PLPP4: variants seen among roughly 807,000 people sequenced by gnomAD.
PLPP4 encodes diacylglycerol pyrophosphate like 2.
PLPP4 carries 20 observed loss-of-function variants against 32.2 expected under a neutral mutation model. That is an observed-to-expected ratio of 0.62 (90% confidence interval 0.44 to 0.90). The LOEUF is 0.90. Ranked by LOEUF, PLPP4 falls within the 40% of genes least tolerant of loss-of-function variation. The probability of loss-of-function intolerance (pLI) is 0.00; values close to 1 mark genes in which losing one functional copy is unlikely to be tolerated. For synonymous variants in PLPP4, 127 were observed against 133.0 expected, an observed-to-expected ratio of 0.95 and a Z score of 0.31; for missense variants, 257 against 353.1, an observed-to-expected ratio of 0.73 and a Z score of 2.18.
At chr10:120,555,659 C>T (rs181282330) in intron 5 of PLPP4, among the ~76,000 whole-genome samples, 11 of 152,270 alleles carry the variant, frequency 7.2e-5, no homozygotes, top group African/African-American at 2.4e-4. Flanking sequence ...GTCTGCCTGG[C>T]GTAGTGCCTG....
intron 6 of PLPP4, among the ~76,000 whole-genome samples, chr10:120,580,401 G>A (rs554024141): frequency 1.3e-5 from 2 of 152,240 alleles, no homozygotes; most frequent in South Asian, 4.2e-4. Context: ...ATTTAGCATG[G>A]AAATTAGATG....
At chr10:120,501,614 A>G (rs1390290094) in intron 1 of PLPP4, among the ~76,000 whole-genome samples, 3 of 152,190 alleles carry the variant, frequency 2.0e-5, no homozygotes, top group Non-Finnish European at 4.4e-5. Context: ...CTGACTCTAG[A>G]GCCTGTCCTG....
intron 2 of PLPP4, among the ~76,000 whole-genome samples, chr10:120,508,422 C>T (rs918577229): frequency 1.3e-5 from 2 of 152,162 alleles, no homozygotes; most frequent in Admixed American, 1.3e-4. Flanking sequence ...TTTGTTTTGT[C>T]TGTTGTGAAT....
At chr10:120,486,535 A>G (rs977450699) in intron 1 of PLPP4, among the ~76,000 whole-genome samples, 1 of 152,240 alleles carries the variant, frequency 6.6e-6, no homozygotes, top group Non-Finnish European at 1.5e-5. Flanking sequence ...TTGAAAAGAC[A>G]TGGAATACAT....
At chr10:120,586,926 C>T (rs1849789694) in intron 6 of PLPP4, among the ~76,000 whole-genome samples, 1 of 151,922 alleles carries the variant, frequency 6.6e-6, no homozygotes, top group Non-Finnish European at 1.5e-5. Flanking sequence ...ATAGAAATGA[C>T]ATTGAGCTCA....
At chr10:120,521,443 C>T (rs2133910469) in intron 5 of PLPP4, among the ~76,000 whole-genome samples, 1 of 152,298 alleles carries the variant, frequency 6.6e-6, no homozygotes, top group Admixed American at 6.5e-5. Context: ...TTTATTTCTT[C>T]AATTCAGGTG....
intron 5 of PLPP4, 93 bp from the exon 6 acceptor site, chr10:120,575,038 G>A (rs956100729): frequency 7.4e-7 from 1 of 1,354,250 alleles, no homozygotes; most frequent in Non-Finnish European, 1.0e-6. Flanking sequence ...TGGCCTTGGG[G>A]GTGTGCAAGA....
Position 120,579,463 on chromosome 10 carries a change from G to C in PLPP4, c.616+4162G>C, listed in dbSNP as rs114971033. On this transcript the variant is annotated intron_variant, in intron 6 of 6. Coordinates refer to ENST00000398250, the MANE Select transcript of PLPP4 (RefSeq NM_001030059.3). ...GCTTTCCCAGACTGGGCTGTGAAGG[G>C]TCTGTGATTTGAAATGAACTAAATA... is the stretch of plus-strand genomic sequence containing the variant. Among the ~76,000 whole-genome samples, 49 of 152,272 alleles carry C rather than the reference G, an allele frequency of 3.2e-4. 1 individual carries two copies. The highest frequency in any genetic ancestry group is 1.2e-3 in the African/African-American group (48 of 41,574).
At chr10:120,508,880 T>C (rs1025054277) in intron 2 of PLPP4, among the ~76,000 whole-genome samples, 3 of 152,200 alleles carry the variant, frequency 2.0e-5, no homozygotes, top group African/African-American at 7.2e-5. Flanking sequence ...TGATACCCTT[T>C]TAACAGTCTT....
At chr10:120,544,871 A>G (rs1307436589) in intron 5 of PLPP4, among the ~76,000 whole-genome samples, 1 of 152,242 alleles carries the variant, frequency 6.6e-6, no homozygotes, top group Admixed American at 6.5e-5. Context: ...CAGAGTGTCA[A>G]CCAGGGAATA....
At chr10:120,488,211 C>G (rs75779253) in intron 1 of PLPP4, among the ~76,000 whole-genome samples, 5 of 152,090 alleles carry the variant, frequency 3.3e-5, no homozygotes, top group African/African-American at 4.8e-5. Context: ...TGCCAGCCCC[C>G]CTTGAGTGGT....
chr10:120,519,845 T>C (rs554759434), intron 4 of PLPP4, among the ~76,000 whole-genome samples: 1 of 152,244 alleles, frequency 6.6e-6, no homozygotes, highest in Admixed American at 6.5e-5. Context: ...CGAATATTAG[T>C]TGAGTATGAA....
In PLPP4 at chr10:120,571,831, C is replaced by T. The variant is rs572766279; in HGVS notation, c.446-3300C>T. 3.9e-5 allele frequency among the ~76,000 whole-genome samples: 6 copies of T among 152,218 alleles called. No homozygotes were observed. The South Asian group carries it at 1.2e-3, about 32-fold the overall frequency. On this transcript the variant is annotated intron_variant, in intron 5 of 6. Coordinates refer to ENST00000398250, the MANE Select transcript of PLPP4 (RefSeq NM_001030059.3). ...AAGGCTTCCCATAGCTCAGACATGC[C>T]CTTGGGCCAGAGGGAATGGCCTCAA... is the stretch of plus-strand genomic sequence containing the variant.
rs539136235 is a variant in PLPP4 at position 120,574,953 on chromosome 10, G to C, written c.446-178G>C. On this transcript the variant is annotated intron_variant, in intron 5 of 6. Coordinates refer to ENST00000398250, the MANE Select transcript of PLPP4 (RefSeq NM_001030059.3). Reference sequence around the variant, plus strand: ...ATAACCCTGGAAGATTATTCTTATGGTTGAAAGTTTCATAGCAGCATGGTG... The same window carrying C: ...ATAACCCTGGAAGATTATTCTTATGCTTGAAAGTTTCATAGCAGCATGGTG... Among the ~76,000 whole-genome samples, 24 of 152,306 alleles carry C rather than the reference G, an allele frequency of 1.6e-4. No individual in the cohort carries two copies. In the South Asian group the frequency reaches 4.8e-3, roughly 30 times the overall value.
At chr10:120,500,125 TA>T (rs1412988307) in intron 1 of PLPP4, among the ~76,000 whole-genome samples, 2 of 152,178 alleles carry the variant, frequency 1.3e-5, no homozygotes, top group African/African-American at 4.8e-5. Flanking sequence ...ATTTGCTTGA[TA>T]GATGTGTTCT....
chr10:120,500,440 A>G (rs1162400346), intron 1 of PLPP4, among the ~76,000 whole-genome samples: 13 of 152,126 alleles, frequency 8.5e-5, no homozygotes, highest in Non-Finnish European at 1.9e-4. Context: ...GCTTTTCTAT[A>G]GTAAGAACTT....
intron 5 of PLPP4, among the ~76,000 whole-genome samples, chr10:120,527,159 C>A (rs1445374100): frequency 6.6e-6 from 1 of 152,164 alleles, no homozygotes; most frequent in East Asian, 1.9e-4. Flanking sequence ...TCTTAGCAAT[C>A]AATCAATTGA....
intron 6 of PLPP4, among the ~76,000 whole-genome samples, chr10:120,588,254 G>A (rs1433303358): frequency 6.6e-6 from 1 of 152,234 alleles, no homozygotes; most frequent in Non-Finnish European, 1.5e-5. Flanking sequence ...AGTTGTTTAT[G>A]TGAGCTGCTT....
chr10:120,498,654 CT>C (rs11287636), intron 1 of PLPP4, among the ~76,000 whole-genome samples: 81,996 of 143,256 alleles, frequency 0.57, 22,963 homozygotes, highest in Middle Eastern at 0.69. Context: ...CTCTTCTATT[CT>C]TTTTTTTTTT....
Sources: allele counts gnomAD v4.1 joint callset (sites outside exome capture counted in the v4.1 genomes callset), GRCh38; gene constraint gnomAD v4.1.1; transcripts MANE v1.5; gene names NCBI Gene and HGNC (gene_info 2026-07-23, HGNC 2026-07-21).